IFRD1: variants seen among roughly 807,000 people sequenced by gnomAD.
IFRD1 encodes interferon related developmental regulator 1, also known as interferon-related developmental regulator 1.
Under a neutral mutation model 52.9 loss-of-function variants are expected in IFRD1, and 35 were observed. The observed-to-expected ratio is 0.66, with a 90% CI of 0.51 to 0.88. IFRD1 has a LOEUF of 0.88. Ranked by LOEUF, IFRD1 falls within the 40% of genes least tolerant of loss-of-function variation. The probability of loss-of-function intolerance (pLI) is 0.00; values close to 1 mark genes in which losing one functional copy is unlikely to be tolerated. For missense variants in IFRD1, 517 were observed against 550.8 expected (o/e 0.94, Z 0.61); for synonymous variants, 184 against 188.4 (o/e 0.98, Z 0.19).
chr7:112,464,048 TTTTTTA>T (rs772629230), intron 8 of IFRD1, among the ~76,000 whole-genome samples: 8,982 of 150,396 alleles, frequency 0.06, 297 homozygotes, highest in South Asian at 0.094. Context: ...TTTTTTTTTT[TTTTTTA>T]AAATAAGCTT....
chr7:112,429,335 A>G (rs1311466363), intron 1 of IFRD1, among the ~76,000 whole-genome samples: 1 of 152,202 alleles, frequency 6.6e-6, no homozygotes, highest in African/African-American at 2.4e-5. Flanking sequence ...ATGTGATTAC[A>G]CTTTAGAATT....
chr7:112,464,188 C>T (rs1208208331), intron 8 of IFRD1, among the ~76,000 whole-genome samples: 1 of 151,660 alleles, frequency 6.6e-6, no homozygotes, highest in African/African-American at 2.4e-5. Flanking sequence ...TTGAATTATT[C>T]AAGGCTTTTT....
rs1795279094 is a variant in IFRD1 at position 112,455,872 on chromosome 7, G to A, written c.199+5G>A. 6.3e-7 allele frequency: 1 copy of A among 1,595,272 alleles called. No homozygotes were observed. Among genetic ancestry groups the A allele is most frequent in the Non-Finnish European group, 8.6e-7 (1 of 1,162,926 alleles). ...CTTCCAGTTTTGCTGAAGATGGTAT[G>A]AGTTTTAAATTTAAATTTGCAACTT... On this transcript the variant is annotated splice_donor_5th_base_variant and intron_variant, in intron 2 of 11. Transcript: ENST00000403825.
upstream of IFRD1, among the ~76,000 whole-genome samples, chr7:112,446,536 T>A (rs1333315483): frequency 6.6e-6 from 1 of 152,172 alleles, no homozygotes; most frequent in African/African-American, 2.4e-5. Context: ...AGTAGTGCGA[T>A]GTACTTTGGG....
chr7:112,457,285 T>G (rs958534546), intron 4 of IFRD1: 9 of 586,952 alleles, frequency 1.5e-5, no homozygotes. Context: ...CAACCTTTTT[T>G]GTATCAGAAG....
At chr7:112,471,395 A>G (rs2117333836) in intron 9 of IFRD1, among the ~76,000 whole-genome samples, 1 of 152,214 alleles carries the variant, frequency 6.6e-6, no homozygotes, top group Middle Eastern at 3.4e-3. Flanking sequence ...GCTGAGTGAG[A>G]AGGGGCTGAG....
At chr7:112,438,771 T>G (rs1005785761) in intron 1 of IFRD1, among the ~76,000 whole-genome samples, 1 of 152,000 alleles carries the variant, frequency 6.6e-6, no homozygotes, top group Non-Finnish European at 1.5e-5. Context: ...GTGGGTGGAG[T>G]CTGTTTTATT....
At chr7:112,438,502 T>C (rs766418195) in intron 1 of IFRD1, among the ~76,000 whole-genome samples, 6 of 151,882 alleles carry the variant, frequency 4.0e-5, no homozygotes, top group Non-Finnish European at 8.8e-5. Context: ...CTTAAGCACA[T>C]AAAGAGCTAT....
chr7:112,457,067 G>A (rs768418717), intron 4 of IFRD1, 29 bp downstream of exon 4: 17 of 1,607,320 alleles, frequency 1.1e-5, no homozygotes, highest in African/African-American at 6.7e-5. Context: ...AGTCACAGAC[G>A]TACAACTAAT....
At chr7:112,450,425 A>G, upstream of IFRD1, 1 of 513,238 alleles carries the variant, frequency 1.9e-6, no homozygotes, top group South Asian at 2.0e-5. Flanking sequence ...AGGTGGCGGT[A>G]TTGCTACTTA....
intron 8 of IFRD1, among the ~76,000 whole-genome samples, chr7:112,463,242 C>T (rs1018498151): frequency 1.3e-5 from 2 of 152,112 alleles, no homozygotes; most frequent in African/African-American, 2.4e-5. Context: ...AAATGGGTAA[C>T]TAAATAGTAG....
chr7:112,445,744 T>C (rs1287570238), upstream of IFRD1, among the ~76,000 whole-genome samples: 1 of 152,188 alleles, frequency 6.6e-6, no homozygotes, highest in African/African-American at 2.4e-5. Context: ...CCATAAACAC[T>C]CATCAGACTT....
At chr7:112,445,919 A>C (rs1217493519), upstream of IFRD1, among the ~76,000 whole-genome samples, 1 of 152,182 alleles carries the variant, frequency 6.6e-6, no homozygotes. Context: ...AAGTAAAAAA[A>C]CCCTACAATA....
chr7:112,450,421 C>T, upstream of IFRD1: 3 of 510,026 alleles, frequency 5.9e-6, no homozygotes, highest in Non-Finnish European at 1.1e-5. Context: ...CGTCAGGTGG[C>T]GGTATTGCTA....
chr7:112,452,208 G>A, intron 1 of IFRD1: 2 of 720,436 alleles, frequency 2.8e-6, no homozygotes, highest in Non-Finnish European at 3.4e-6. Flanking sequence ...CGCCCAGGCT[G>A]GAGTGCGGTG....
chr7:112,467,935 A>G (rs1431947915), intron 8 of IFRD1, 46 bp from the exon 9 acceptor site: 1 of 1,585,634 alleles, frequency 6.3e-7, no homozygotes, highest in East Asian at 2.2e-5. Flanking sequence ...TGAGGTCAGA[A>G]AAGAAAAATA....
intron 5 of IFRD1, 167 bp from the exon 6 acceptor site, chr7:112,461,699 C>T (rs983656560): frequency 2.4e-6 from 1 of 415,354 alleles, no homozygotes; most frequent in Non-Finnish European, 4.2e-6. Context: ...TTCCTTTGAT[C>T]TTAGTTCAAT....
At chr7:112,431,071 T>C (rs951614723) in intron 1 of IFRD1, among the ~76,000 whole-genome samples, 3 of 152,180 alleles carry the variant, frequency 2.0e-5, no homozygotes, top group African/African-American at 7.2e-5. Context: ...CTTATTATTT[T>C]TCGAGCGTAT....
chr7:112,468,199 G>T (rs1399824666), intron 9 of IFRD1, 84 bp downstream of exon 9: 2 of 1,409,244 alleles, frequency 1.4e-6, no homozygotes, highest in Admixed American at 3.5e-5. Flanking sequence ...CCATTTTGTT[G>T]ATTGAATTTC....
Sources: allele counts gnomAD v4.1 joint callset (sites outside exome capture counted in the v4.1 genomes callset), GRCh38; gene constraint gnomAD v4.1.1; transcripts MANE v1.5; gene names NCBI Gene and HGNC (gene_info 2026-07-23, HGNC 2026-07-21).